Variants in RESF1 observed in about 807,000 individuals in gnomAD.
RESF1 encodes the protein retroelement silencing factor 1.
Under a neutral mutation model 134.7 loss-of-function variants are expected in RESF1, and 65 were observed. The ratio of observed to expected loss-of-function variants is 0.48; its 90% CI spans 0.40 to 0.59. The LOEUF (loss-of-function observed/expected upper bound fraction) is 0.59, where lower values mean the gene tolerates loss of function less well. RESF1 is among the 20% of genes least tolerant of loss of function. The probability of loss-of-function intolerance (pLI) is 0.00; values close to 1 mark genes in which losing one functional copy is unlikely to be tolerated. For synonymous variants in RESF1, 762 were observed against 702.2 expected (o/e 1.09, Z -1.35); for missense variants, 2,274 against 2,002.7 (o/e 1.14, Z -2.59).
Position 31,982,577 on chromosome 12 carries a change from C to T in RESF1, c.1622C>T (p.Thr541Ile), listed in dbSNP as rs188842077. The change falls in exon 4 of 6, where the codon ACT becomes ATT. Residue 541 changes from threonine (T) to isoleucine (I), a missense_variant. Physicochemically the swap from Thr to Ile is moderately conservative, Grantham distance 89 (BLOSUM62 -1). Coordinates refer to ENST00000312561, the MANE Select transcript of RESF1 (RefSeq NM_018169.4). ...GAGATGACCCAGGCAGTATTGAATA[C>T]TCAGCTTTCATCAGAAAATGTTACC... ...AVEMTQAVLN[T>I]QLSSENVTKV... The T allele has an allele frequency of 2.3e-5, 37 of 1,613,902 alleles. No individual in the cohort carries two copies. The East Asian group carries it at 6.5e-4, about 28-fold the overall frequency.
chr12:31,988,506 A>G (rs935045654), intron 5 of RESF1, among the ~76,000 whole-genome samples: 2 of 152,198 alleles, frequency 1.3e-5, no homozygotes, highest in South Asian at 2.1e-4. Context: ...GCCATTTTAC[A>G]TAAGGAACTT....
chr12:31,967,472 A>G (rs150474577), intron 2 of RESF1, among the ~76,000 whole-genome samples: 220 of 152,330 alleles, frequency 1.4e-3, no homozygotes, highest in African/African-American at 5.0e-3. Context: ...TGTATTAAGT[A>G]GAAAATGTAA....
At position 31,992,405 on chromosome 12, in the gene RESF1, G is replaced by C; in HGVS notation, c.5114G>C (p.Arg1705Thr). The C allele has an allele frequency of 6.2e-7, 1 of 1,612,828 alleles. No individual in the cohort carries two copies. The highest frequency in any genetic ancestry group is 1.1e-5 in the South Asian group (1 of 90,808). Residue 1705 changes from arginine (R) to threonine (T), a missense_variant, in exon 6 of 6, where the codon AGA (arginine) becomes ACA (threonine). Coordinates refer to ENST00000312561, the MANE Select transcript of RESF1 (RefSeq NM_018169.4). ...RDNVNSRLSK[R>T]SFSADGFEML... ...AATGTTAATTCAAGACTCTCGAAGA[G>C]AAGCTTCAGTGCAGATGGATTTGAG...
rs1939862829 is a variant in RESF1, at chr12:31,983,475, G to A, written c.2520G>A (p.Gln840=). The A allele has an allele frequency of 6.2e-7, 1 of 1,614,078 alleles. No homozygotes were observed. Among genetic ancestry groups the A allele is most frequent in the Non-Finnish European group, 8.5e-7 (1 of 1,180,008 alleles). Residue 840 remains glutamine (Q), a synonymous_variant, in exon 4 of 6, where the codon CAG becomes CAA. Transcript: ENST00000312561. ...TTCCACTAACTCAGAAGGAAAAGCA[G>A]AATGAGTCAACTAATGGTAATTCAG... is the stretch of plus-strand genomic sequence containing the variant. ...KIFPLTQKEK[Q]NESTNGNSEV...
Position 31,984,709 on chromosome 12 carries a change from C to T in RESF1, c.3754C>T (p.Gln1252Ter). The change falls in exon 4 of 6, where the codon CAA (glutamine) becomes TAA (stop). Residue 1252 changes from glutamine to a stop codon, truncating the protein, a stop_gained. Coordinates refer to ENST00000312561, the MANE Select transcript of RESF1 (RefSeq NM_018169.4). LOFTEE classifies it high-confidence loss of function. ...PDGKSHFPEL[Q>*]DDSRKDTPKT... The stretch of plus-strand genomic sequence containing the variant: ...TGGGAAAAGTCATTTTCCTGAACTA[C>T]AAGACGACAGTAGAAAAGATACACC... The T allele has an allele frequency of 6.3e-7, 1 of 1,599,418 alleles. No individual in the cohort carries two copies. The highest frequency in any genetic ancestry group is 8.5e-7 in the Non-Finnish European group (1 of 1,176,620).
chr12:31,987,733 A>AT (rs760691813), intron 5 of RESF1, among the ~76,000 whole-genome samples: 8 of 151,342 alleles, frequency 5.3e-5, no homozygotes, highest in Non-Finnish European at 7.4e-5. Flanking sequence ...TTATTTATTT[A>AT]TTTATTTATT....
At chr12:31,987,804 T>C (rs553084365) in intron 5 of RESF1, among the ~76,000 whole-genome samples, 6 of 152,180 alleles carry the variant, frequency 3.9e-5, no homozygotes, top group South Asian at 2.1e-4. Flanking sequence ...GGCGTCATCT[T>C]GGCTCACTGC....
intron 5 of RESF1, among the ~76,000 whole-genome samples, chr12:31,988,265 G>T (rs1420135455): frequency 6.6e-6 from 1 of 152,074 alleles, no homozygotes; most frequent in Non-Finnish European, 1.5e-5. Context: ...TGTGGTTGAG[G>T]TATAGTCAGC....
chr12:31,983,663 C>T lies in RESF1; in HGVS notation c.2708C>T (p.Thr903Ile). ...ATTTGTTCTCTGGTTGAAGGTGATA[C>T]CTCTTACAATTCCCAAATAGCAAAG... ...DNICSLVEGD[T>I]SYNSQIAKIF... The change falls in exon 4 of 6, where the codon ACC (threonine) becomes ATC (isoleucine). Residue 903 changes from threonine (T) to isoleucine (I), a missense_variant. Physicochemically the swap from Thr to Ile is moderately conservative, Grantham distance 89 (BLOSUM62 -1). Coordinates refer to ENST00000312561, the MANE Select transcript of RESF1 (RefSeq NM_018169.4). The T allele has an allele frequency of 6.2e-7, 1 of 1,613,938 alleles. No homozygotes were observed. Among genetic ancestry groups the T allele is most frequent in the Non-Finnish European group, 8.5e-7 (1 of 1,179,964 alleles).
intron 3 of RESF1, among the ~76,000 whole-genome samples, chr12:31,978,649 G>A (rs1226046136): frequency 2.0e-5 from 3 of 150,922 alleles, no homozygotes; most frequent in African/African-American, 2.4e-5. Context: ...GGGTTCAAGT[G>A]ATTCTCCTGC....
intron 3 of RESF1, among the ~76,000 whole-genome samples, chr12:31,972,466 C>A (rs969629395): frequency 6.6e-6 from 1 of 151,726 alleles, no homozygotes; most frequent in African/African-American, 2.4e-5. Context: ...ATTAGCCAGG[C>A]GTGGTGGTGG....
intron 2 of RESF1, among the ~76,000 whole-genome samples, chr12:31,961,238 T>C (rs1939259018): frequency 6.6e-6 from 1 of 152,214 alleles, no homozygotes. Context: ...AGCACCACTC[T>C]GGGAGGATGC....
chr12:31,982,922 C>T lies in RESF1; in HGVS notation c.1967C>T (p.Ser656Leu). Residue 656 changes from serine to leucine, a missense_variant, in exon 4 of 6, where the codon TCA becomes TTA. By Grantham distance (145) the Ser-to-Leu change is moderately radical. Coordinates refer to ENST00000312561, the MANE Select transcript of RESF1 (RefSeq NM_018169.4). ...DNSFCSGQES[S>L]TKGMPAKSDS... Reference sequence around the variant, plus strand: ...TCCTTTTGCAGTGGACAAGAATCCTCAACAAAAGGAATGCCTGCTAAAAGT... The same window carrying T: ...TCCTTTTGCAGTGGACAAGAATCCTTAACAAAAGGAATGCCTGCTAAAAGT... 1.2e-6 allele frequency: 2 copies of T among 1,614,060 alleles called. No homozygotes were observed. The highest frequency in any genetic ancestry group is 2.2e-5 in the South Asian group (2 of 91,082).
Position 31,982,405 on chromosome 12 carries a change from ATGT to A in RESF1, c.1453_1455del (p.Leu485del), listed in dbSNP as rs1939821084. The stretch of plus-strand genomic sequence containing the variant: ...TGCAGAAACAAATAAGACTCAATGT[ATGT>A]TGAATTCTGACATTCAGGAAGTCAA... On this transcript the variant is annotated inframe_deletion, in exon 4 of 6. Coordinates refer to ENST00000312561, the MANE Select transcript of RESF1 (RefSeq NM_018169.4). 6 of 1,614,116 alleles carry A rather than the reference ATGT, an allele frequency of 3.7e-6. No homozygotes were observed. In the East Asian group the frequency reaches 1.3e-4, roughly 36 times the overall value.
intron 5 of RESF1, 103 bp from the exon 6 acceptor site, chr12:31,992,275 A>T: frequency 9.5e-7 from 1 of 1,054,446 alleles, no homozygotes; most frequent in Non-Finnish European, 1.4e-6. Flanking sequence ...CCTTGCCTTA[A>T]TTTTTTATCC....
chr12:31,975,362 A>G (rs1478914072), intron 3 of RESF1, among the ~76,000 whole-genome samples: 1 of 152,228 alleles, frequency 6.6e-6, no homozygotes, highest in African/African-American at 2.4e-5. Flanking sequence ...AGGTTCCACT[A>G]TTAGCAACTT....
rs565218385 is a variant in RESF1 at position 31,974,226 on chromosome 12, A to G, written c.-79+3870A>G. 1.0e-3 allele frequency among the ~76,000 whole-genome samples: 157 copies of G among 151,810 alleles called. 1 individual carries two copies. The highest frequency in any genetic ancestry group is 2.9e-3 in the Admixed American group (44 of 15,196). On this transcript the variant is annotated intron_variant, in intron 3 of 5. Transcript: ENST00000312561. ...CACTCCTGTTACTCAGGAGATTACA[A>G]AGGTCTCAGGAGCTCTGTGTCAGGA... is the stretch of plus-strand genomic sequence containing the variant.
At chr12:31,977,305 C>T (rs753607452) in intron 3 of RESF1, among the ~76,000 whole-genome samples, 1 of 152,112 alleles carries the variant, frequency 6.6e-6, no homozygotes, top group African/African-American at 2.4e-5. Flanking sequence ...CTCAGCCTCA[C>T]GAGTAGCTGG....
At chr12:31,991,690 C>T (rs1392199631) in intron 5 of RESF1, among the ~76,000 whole-genome samples, 2 of 152,102 alleles carry the variant, frequency 1.3e-5, no homozygotes, top group African/African-American at 2.4e-5. Context: ...CGTGTGATAT[C>T]GGCTCACTGC....
Sources: gnomAD v4.1 joint callset for allele counts (sites outside exome capture counted in the v4.1 genomes callset) on GRCh38, gnomAD v4.1.1 for gene constraint, MANE v1.5 for transcripts, NCBI Gene and HGNC (gene_info 2026-07-23, HGNC 2026-07-21) for gene names.